UNC79: variants seen among roughly 807,000 people sequenced by gnomAD.
UNC79 encodes the protein unc-79 subunit of NALCN channel complex, also known as protein unc-79 homolog.
A neutral mutation model predicts 283.1 loss-of-function variants in UNC79; 37 were observed. The ratio of observed to expected loss-of-function variants is 0.13; its 90% CI spans 0.10 to 0.17. UNC79 has a LOEUF of 0.17. Ranked by LOEUF, UNC79 falls within the 10% of genes least tolerant of loss-of-function variation. The pLI, the probability that UNC79 is intolerant of heterozygous loss-of-function variation, is 1.00. For synonymous variants in UNC79, 1,107 were observed against 1,200.2 expected, an observed-to-expected ratio of 0.92 and a Z score of 1.61; for missense variants, 2,272 against 3,211.1, an observed-to-expected ratio of 0.71 and a Z score of 7.07.
chr14:93,643,676 A>G (rs759382384), exon 34 of UNC79: 2 of 1,612,820 alleles, frequency 1.2e-6, no homozygotes, highest in South Asian at 1.1e-5. Context: ...CTGCTGCTGG[A>G]TATCATGCAG....
chr14:93,576,151 A>G (rs1018820451), intron 17 of UNC79, among the ~76,000 whole-genome samples: 5 of 152,222 alleles, frequency 3.3e-5, no homozygotes, highest in African/African-American at 1.2e-4. Flanking sequence ...CAGCCAGGGA[A>G]GAACTCATTA....
chr14:93,687,841 C>G (rs944966920), intron 43 of UNC79, among the ~76,000 whole-genome samples: 3 of 152,094 alleles, frequency 2.0e-5, no homozygotes, highest in African/African-American at 7.2e-5. Context: ...TTTGCAGATG[C>G]TTTCGAAAAA....
chr14:93,483,760 A>G (rs1184220882), intron 4 of UNC79, among the ~76,000 whole-genome samples: 10 of 150,114 alleles, frequency 6.7e-5, no homozygotes, highest in African/African-American at 2.5e-4. Flanking sequence ...TCAGTGTTCA[A>G]TTCCCACCTA....
At chr14:93,450,260 AATG>A in intron 1 of UNC79, among the ~76,000 whole-genome samples, 1 of 152,234 alleles carries the variant, frequency 6.6e-6, no homozygotes, top group East Asian at 1.9e-4. Context: ...GTGGGGGTAA[AATG>A]AGTGTCCTTA....
At chr14:93,604,941 G>T in intron 26 of UNC79, 1 of 1,585,368 alleles carries the variant, frequency 6.3e-7, no homozygotes, top group East Asian at 2.2e-5. Flanking sequence ...GCTCTCGGTG[G>T]GACACCCGAA....
Position 93,688,997 on chromosome 14 carries a change from A to G in UNC79, c.7085+157A>G. On this transcript the variant is annotated intron_variant, in intron 44 of 48. Transcript: ENST00000555664. The surrounding 1 kb of genome is among the most constrained non-coding windows in gnomAD (Gnocchi z 4.0). The stretch of plus-strand genomic sequence containing the variant: ...GAAATCAGATCCCATCTCCTTACGT[A>G]CTTGCTGACCCAGAATGCTCTTTGA... 4 of 764,858 alleles carry G rather than the reference A, an allele frequency of 5.2e-6. No homozygotes were observed. Among genetic ancestry groups the G allele is most frequent in the Non-Finnish European group, 7.5e-6 (4 of 533,330 alleles). The allele number at this position is 764,858 out of a possible 1,614,324, so 47.4% of individuals were successfully genotyped here. A position where few individuals can be genotyped will look rare whatever the true frequency, so the allele number is the denominator to read the frequency against.
intron 1 of UNC79, among the ~76,000 whole-genome samples, chr14:93,377,355 A>G (rs1284402228): frequency 6.6e-6 from 1 of 151,968 alleles, no homozygotes; most frequent in Non-Finnish European, 1.5e-5. Flanking sequence ...CGGCCTCCCA[A>G]AGTGCTGGGA....
intron 35 of UNC79, among the ~76,000 whole-genome samples, chr14:93,649,610 TTATATC>T (rs1335322387): frequency 6.6e-6 from 1 of 152,074 alleles, no homozygotes; most frequent in Admixed American, 6.5e-5. Context: ...GAAATAAAAA[TTATATC>T]TATTTAAGAT....
intron 14 of UNC79, among the ~76,000 whole-genome samples, chr14:93,566,389 T>C (rs890376570): frequency 6.6e-6 from 1 of 152,112 alleles, no homozygotes. Flanking sequence ...TTGGTAGGGA[T>C]TGTTTTATTA....
chr14:93,460,110 C>T (rs1422453324), intron 1 of UNC79, among the ~76,000 whole-genome samples: 1 of 125,758 alleles, frequency 8.0e-6, no homozygotes, highest in African/African-American at 3.0e-5. Context: ...GGGCGGATCA[C>T]AAGGTTAGGA....
rs2066830773 is a variant in UNC79 at position 93,617,739 on chromosome 14, CT to C, written c.4224+437del. On this transcript the variant is annotated intron_variant, in intron 28 of 48. Coordinates refer to ENST00000555664, the Ensembl canonical transcript of UNC79. This position sits in a 1 kb window ranked among gnomAD's most constrained non-coding sequence, Gnocchi z 4.5. ...GTGAAGGAGGAAATGAATATGGTCC[CT>C]TGTAAAAATAAGGCCATGGGGGAGG... is the stretch of plus-strand genomic sequence containing the variant. 6.6e-6 allele frequency among the ~76,000 whole-genome samples: 1 copy of C among 152,062 alleles called. No individual in the cohort carries two copies. Among genetic ancestry groups the C allele is most frequent in the Admixed American group, 6.6e-5 (1 of 15,264 alleles).
At chr14:93,467,528 C>T (rs2057250788) in intron 1 of UNC79, 143 bp from the exon 2 acceptor site, 1 of 1,016,072 alleles carries the variant, frequency 9.8e-7, no homozygotes, top group African/African-American at 1.7e-5. Flanking sequence ...ACTTATGTTT[C>T]TTAAAATACT....
intron 14 of UNC79, among the ~76,000 whole-genome samples, chr14:93,544,641 A>G (rs1280793481): frequency 1.3e-5 from 2 of 152,216 alleles, no homozygotes; most frequent in African/African-American, 4.8e-5. Flanking sequence ...AGCTAGGTTG[A>G]TTTCTATAGA....
Position 93,654,026 on chromosome 14 carries a change from G to A in UNC79, c.6282+1G>A. 6.2e-7 allele frequency: 1 copy of A among 1,614,032 alleles called. No homozygotes were observed. Among genetic ancestry groups the A allele is most frequent in the Non-Finnish European group, 8.5e-7 (1 of 1,179,952 alleles). The stretch of plus-strand genomic sequence containing the variant: ...CGCAGCTCTCAGTCAGCTCCTAGAG[G>A]TGGGTTTCCTTTAATGACACCCTAA... On this transcript the variant is annotated splice_donor_variant, in intron 37 of 48. Transcript: ENST00000555664. LOFTEE classifies it high-confidence loss of function.
intron 23 of UNC79, among the ~76,000 whole-genome samples, chr14:93,595,580 C>G (rs923772651): frequency 6.6e-6 from 1 of 152,104 alleles, no homozygotes; most frequent in Non-Finnish European, 1.5e-5. Context: ...TTCATCCACG[C>G]GGGGGCCATT....
At chr14:93,697,227 C>G (rs1375162354) in intron 47 of UNC79, among the ~76,000 whole-genome samples, 1 of 152,104 alleles carries the variant, frequency 6.6e-6, no homozygotes, top group Non-Finnish European at 1.5e-5. Flanking sequence ...CCTCCATCTC[C>G]CAGGTCCAAG....
intron 1 of UNC79, among the ~76,000 whole-genome samples, chr14:93,445,969 G>T (rs80334229): frequency 0.034 from 5,187 of 151,966 alleles, 294 homozygotes; most frequent in African/African-American, 0.12. Flanking sequence ...AGAATTTGTT[G>T]CTATGTTCCT....
intron 1 of UNC79, among the ~76,000 whole-genome samples, chr14:93,370,731 C>T (rs2054425992): frequency 6.6e-6 from 1 of 152,046 alleles, no homozygotes. Context: ...GAGATCTCAC[C>T]ATTGCACTCC....
At chr14:93,655,481 G>C in intron 38 of UNC79, 74 bp downstream of exon 41, 2 of 1,538,798 alleles carry the variant, frequency 1.3e-6, no homozygotes, top group South Asian at 2.4e-5. Flanking sequence ...AAGCAGCAGA[G>C]TCTTGGGTGA....
Sources: gnomAD v4.1 joint callset for allele counts (sites outside exome capture counted in the v4.1 genomes callset) on GRCh38, gnomAD v4.1.1 for gene constraint, Gnocchi (gnomAD v3.1) non-coding constraint, MANE v1.5 for transcripts, NCBI Gene and HGNC (gene_info 2026-07-23, HGNC 2026-07-21) for gene names.